The following FKBP6 variants were observed in gnomAD, a reference collection of about 807,000 sequenced individuals.
The protein encoded by FKBP6 is inactive peptidyl-prolyl cis-trans isomerase FKBP6.
A neutral mutation model predicts 41.7 loss-of-function variants in FKBP6; 29 were observed. The observed-to-expected ratio is 0.70, with a 90% CI of 0.52 to 0.95. FKBP6 has a LOEUF of 0.95. Ranked by LOEUF, FKBP6 falls within the 40% of genes least tolerant of loss-of-function variation. FKBP6 has a pLI of 0.00. For synonymous variants in FKBP6, 130 were observed against 165.1 expected (o/e 0.79, Z 1.63); for missense variants, 338 against 408.7 (o/e 0.83, Z 1.49).
chr7:73,353,458 G>A (rs76996339), intron 8 of FKBP6, among the ~76,000 whole-genome samples: 3,819 of 152,194 alleles, frequency 0.025, 74 homozygotes, highest in Non-Finnish European at 0.038. Context: ...AATCCTTTCC[G>A]TCCCAGATGA....
At chr7:73,346,033 TC>T (rs1189971113) in intron 8 of FKBP6, among the ~76,000 whole-genome samples, 1 of 152,030 alleles carries the variant, frequency 6.6e-6, no homozygotes, top group Non-Finnish European at 1.5e-5. Context: ...AGGTAGCAGC[TC>T]CCATCCCCAA....
At position 73,356,966 on chromosome 7, in the gene FKBP6, A is replaced by G. The variant is rs143699985; in HGVS notation, c.*3-1215A>G. Among the ~76,000 whole-genome samples, 916 of 152,192 alleles carry G rather than the reference A, an allele frequency of 6.0e-3. 11 individuals are homozygous for G. The highest frequency in any genetic ancestry group is 0.02 in the African/African-American group (845 of 41,534). The stretch of plus-strand genomic sequence containing the variant: ...CAGCTAATTTTTGTATTTTTAGTAG[A>G]AACGAGGTTTCACCATGTTGGCCAG... On this transcript the variant is annotated intron_variant, in intron 8 of 8. Coordinates refer to ENST00000252037, the MANE Select transcript of FKBP6 (RefSeq NM_003602.5).
In FKBP6 at chr7:73,328,307, C is replaced by T. The variant is rs1315478850; in HGVS notation, c.-122C>T. ...TCCTCGTGGCCCCAGAATGGAATGC[C>T]GCCGTCGGTAGGGGTCTGCCGGGCA... is the stretch of plus-strand genomic sequence containing the variant. On this transcript the variant is annotated 5_prime_UTR_variant, in exon 1 of 9. Transcript: ENST00000252037. 3.2e-6 allele frequency: 5 copies of T among 1,549,090 alleles called. No homozygotes were observed. The East Asian group carries it at 9.8e-5, about 30-fold the overall frequency.
At chr7:73,347,343 C>G (rs1285675304) in intron 8 of FKBP6, among the ~76,000 whole-genome samples, 1 of 152,142 alleles carries the variant, frequency 6.6e-6, no homozygotes, top group Non-Finnish European at 1.5e-5. Flanking sequence ...TGTGAAGAAG[C>G]TATGTAATTG....
intron 2 of FKBP6, among the ~76,000 whole-genome samples, chr7:73,329,134 G>A (rs1358508084): frequency 3.3e-5 from 5 of 152,020 alleles, no homozygotes; most frequent in African/African-American, 1.2e-4. Context: ...CGAAAGCTAG[G>A]GACTCCTATG....
chr7:73,335,637 G>A (rs1554548453), intron 5 of FKBP6, among the ~76,000 whole-genome samples: 1 of 152,146 alleles, frequency 6.6e-6, no homozygotes, highest in African/African-American at 2.4e-5. Flanking sequence ...GGGAACATTT[G>A]ACCTGACCTC....
intron 8 of FKBP6, among the ~76,000 whole-genome samples, chr7:73,346,101 C>T (rs568068590): frequency 2.0e-5 from 3 of 152,260 alleles, no homozygotes; most frequent in East Asian, 1.9e-4. Flanking sequence ...AAACACCACC[C>T]GAGGAAAGGA....
intron 8 of FKBP6, among the ~76,000 whole-genome samples, chr7:73,354,827 ACTCTAGTTCC>A (rs573197891): frequency 9.7e-4 from 148 of 152,112 alleles, no homozygotes; most frequent in African/African-American, 3.4e-3. Context: ...GGCTGAGTTT[ACTCTAGTTCC>A]CCGTTGCAGG....
chr7:73,335,548 T>C (rs1256332647), intron 5 of FKBP6, among the ~76,000 whole-genome samples: 1 of 152,162 alleles, frequency 6.6e-6, no homozygotes, highest in African/African-American at 2.4e-5. Context: ...GTCAAGGGCC[T>C]CTTTGGTTCC....
At chr7:73,336,212 A>G (rs1357365805) in intron 5 of FKBP6, among the ~76,000 whole-genome samples, 4 of 152,194 alleles carry the variant, frequency 2.6e-5, no homozygotes, top group Non-Finnish European at 5.9e-5. Flanking sequence ...ACCCTCTTAC[A>G]TGGAGTTAGT....
Position 73,358,522 on chromosome 7 carries a change from TAG to T in FKBP6, c.*348_*349del. ...GCGAATGTCCCTGAGTCAACACCAA[TAG>T]AGATTGCTTTGTGTATTTTGTAGGG... is the stretch of plus-strand genomic sequence containing the variant. On this transcript the variant is annotated 3_prime_UTR_variant, in exon 9 of 9. Transcript: ENST00000252037. 6.5e-6 allele frequency: 1 copy of T among 152,700 alleles called. No individual in the cohort carries two copies. The highest frequency in any genetic ancestry group is 1.5e-5 in the Non-Finnish European group (1 of 68,016). The allele number at this position is 152,700 out of a possible 1,614,324, so 9.5% of individuals were successfully genotyped here. A position where few individuals can be genotyped will look rare whatever the true frequency, so the allele number is the denominator to read the frequency against.
intron 6 of FKBP6, 80 bp downstream of exon 6, chr7:73,340,912 G>A: frequency 1.3e-6 from 1 of 745,408 alleles, no homozygotes; most frequent in Non-Finnish European, 2.2e-6. Flanking sequence ...CTGCAAAAAT[G>A]CTGTCTTTTT....
At chr7:73,340,588 T>C in intron 5 of FKBP6, 50 bp from the exon 6 acceptor site, 1 of 1,497,364 alleles carries the variant, frequency 6.7e-7, no homozygotes, top group Non-Finnish European at 9.3e-7. Context: ...TTTAGGGTTT[T>C]GTACATAAGA....
intron 5 of FKBP6, chr7:73,337,002 G>T (rs1359394354): frequency 2.1e-5 from 7 of 335,274 alleles, no homozygotes; most frequent in Non-Finnish European, 3.0e-5. Context: ...AACTGGGAAA[G>T]AAATGTGTTA....
At chr7:73,329,585 G>A (rs1318931137) in intron 3 of FKBP6, 136 bp downstream of exon 3, 95 of 735,940 alleles carry the variant, frequency 1.3e-4, no homozygotes, top group South Asian at 6.7e-4. Flanking sequence ...TGGTAACACA[G>A]CCATGTTCTC....
intron 7 of FKBP6, 144 bp downstream of exon 7, chr7:73,341,526 G>A: frequency 2.9e-6 from 2 of 684,758 alleles, no homozygotes; most frequent in Non-Finnish European, 5.3e-6. Flanking sequence ...GGTTTCTGAA[G>A]TGCTCGGCCG....
At chr7:73,328,742 T>G (rs201938784) in intron 2 of FKBP6, 50 bp downstream of exon 2, 184 of 1,611,758 alleles carry the variant, frequency 1.1e-4, no homozygotes, top group Non-Finnish European at 1.4e-4. Context: ...CGCACTCTGT[T>G]GGGAAGAGAG....
Position 73,330,282 on chromosome 7 carries a change from T to C in FKBP6, c.398T>C (p.Val133Ala), listed in dbSNP as rs1554547449. The change falls in exon 4 of 9, where the codon GTC becomes GCC. Residue 133 changes from valine to alanine, a missense_variant. Val to Ala is a moderately conservative substitution (Grantham distance 64, BLOSUM62 0). This residue lies in a region of FKBP6 where 239 missense variants were observed against 250.1 expected (regional missense o/e 0.96). Transcript: ENST00000252037. ...CPPLIPPNTT[V>A]LFEIELLDFL... Reference sequence around the variant, plus strand: ...CCCTTGATCCCCCCAAACACCACTGTCCTGTTTGAGATTGAGCTGCTTGAC... The same window carrying C: ...CCCTTGATCCCCCCAAACACCACTGCCCTGTTTGAGATTGAGCTGCTTGAC... 4.3e-6 allele frequency: 7 copies of C among 1,614,150 alleles called. No homozygotes were observed. Among genetic ancestry groups the C allele is most frequent in the Non-Finnish European group, 5.9e-6 (7 of 1,180,008 alleles).
intron 8 of FKBP6, among the ~76,000 whole-genome samples, chr7:73,356,381 T>G (rs188963965): frequency 6.6e-6 from 1 of 152,306 alleles, no homozygotes; most frequent in Non-Finnish European, 1.5e-5. Flanking sequence ...TTGTGATGGG[T>G]GTGTCTTTGC....
Sources: gnomAD v4.1 joint callset for allele counts (sites outside exome capture counted in the v4.1 genomes callset) on GRCh38, gnomAD v4.1.1 for gene constraint, gnomAD v4.1.1 regional missense constraint, MANE v1.5 for transcripts, NCBI Gene and HGNC (gene_info 2026-07-23, HGNC 2026-07-21) for gene names.